The following CSRP1 variants were observed in gnomAD, a reference collection of about 807,000 sequenced individuals.
CSRP1 encodes cysteine and glycine rich protein 1.
A neutral mutation model predicts 25.4 loss-of-function variants in CSRP1; 16 were observed. The ratio of observed to expected loss-of-function variants is 0.63; its 90% CI spans 0.43 to 0.96. The LOEUF (loss-of-function observed/expected upper bound fraction) is 0.96, where lower values mean the gene tolerates loss of function less well. CSRP1 is among the 40% of genes least tolerant of loss of function. CSRP1 has a pLI of 0.00. For missense variants in CSRP1, 212 were observed against 243.6 expected, an observed-to-expected ratio of 0.87 and a Z score of 0.86; for synonymous variants, 97 against 95.3, an observed-to-expected ratio of 1.02 and a Z score of -0.10.
rs71564149 is a variant in CSRP1 at position 201,497,358 on chromosome 1, C to CAAAAA, written c.-1-1059_-1-1055dup. On this transcript the variant is annotated intron_variant, in intron 1 of 5. Coordinates refer to ENST00000340006, the MANE Select transcript of CSRP1 (RefSeq NM_004078.3). ...TGGGCAACAGAACAAGACTCTGTCT[C>CAAAAA]AAAAAAAAAAAAAAAAAAAAAAAAA... Among the ~76,000 whole-genome samples, 139 of 44,502 alleles carry CAAAAA rather than the reference C, an allele frequency of 3.1e-3. 9 individuals carry two copies. The highest frequency in any genetic ancestry group is 4.0e-3 in the Non-Finnish European group (101 of 24,972). The allele number at this position is 44,502 out of a possible 152,430, so 29.2% of individuals were successfully genotyped here.
intron 2 of CSRP1, among the ~76,000 whole-genome samples, chr1:201,494,800 T>C (rs373788805): frequency 5.9e-5 from 9 of 152,090 alleles, no homozygotes; most frequent in African/African-American, 2.2e-4. Context: ...TATCACACCA[T>C]CTTGCTACAG....
At chr1:201,494,837 T>TGC (rs1664457312) in intron 2 of CSRP1, among the ~76,000 whole-genome samples, 5 of 151,674 alleles carry the variant, frequency 3.3e-5, no homozygotes, top group Admixed American at 6.6e-5. Context: ...CGTGTGTGTG[T>TGC]GTGCGTGTGC....
intron 1 of CSRP1, among the ~76,000 whole-genome samples, chr1:201,503,553 G>A (rs112961548): frequency 1.7e-4 from 26 of 152,214 alleles, no homozygotes; most frequent in African/African-American, 5.8e-4. Context: ...TGTTGTCACC[G>A]CTGAAGACTC....
At chr1:201,497,035 G>GTTTTT (rs1173925216) in intron 1 of CSRP1, among the ~76,000 whole-genome samples, 1 of 151,958 alleles carries the variant, frequency 6.6e-6, no homozygotes, top group African/African-American at 2.4e-5. Flanking sequence ...CAAGAAAAAA[G>GTTTTT]TTTTTTTTGT....
chr1:201,483,938 A>G lies in CSRP1; in HGVS notation c.*775T>C. ...AGGAGCCAGGGTTAAGGCCAGAGAT[A>G]AATGAAGATTTGAGCCATTGATAAA... is the stretch of plus-strand genomic sequence containing the variant. On this transcript the variant is annotated 3_prime_UTR_variant, in exon 6 of 6. Transcript: ENST00000340006. The G allele has an allele frequency of 1.5e-6, 1 of 674,572 alleles. No individual in the cohort carries two copies. Among genetic ancestry groups the G allele is most frequent in the Non-Finnish European group, 2.8e-6 (1 of 362,414 alleles). The allele number at this position is 674,572 out of a possible 1,614,324, so 41.8% of individuals were successfully genotyped here.
At chr1:201,498,858 A>C (rs1173542736) in intron 1 of CSRP1, among the ~76,000 whole-genome samples, 1 of 152,188 alleles carries the variant, frequency 6.6e-6, no homozygotes, top group Non-Finnish European at 1.5e-5. Context: ...TGAGAGGCAG[A>C]GCTTACTGTG....
chr1:201,485,299 G>A lies in CSRP1; in HGVS notation c.489C>T (p.Gly163=), dbSNP rs202219604. 1.3e-4 allele frequency: 208 copies of A among 1,613,974 alleles called. No homozygotes were observed. Among genetic ancestry groups the A allele is most frequent in the Non-Finnish European group, 1.5e-4 (181 of 1,179,990 alleles). ...LESTTLADKD[G]EIYCKGCYAK... ...AACACCCACCTTTGCAGTAAATCTC[G>A]CCATCCTTGTCTGCCAGGGTGGTTG... Residue 163 remains glycine (G), a synonymous_variant, in exon 5 of 6, where the codon GGC becomes GGT. Coordinates refer to ENST00000340006, the MANE Select transcript of CSRP1 (RefSeq NM_004078.3).
At chr1:201,494,557 G>A (rs887393220) in intron 2 of CSRP1, among the ~76,000 whole-genome samples, 2 of 152,228 alleles carry the variant, frequency 1.3e-5, no homozygotes, top group East Asian at 1.9e-4. Flanking sequence ...CTCCAGGCCC[G>A]GCTGAGCAGG....
intron 1 of CSRP1, among the ~76,000 whole-genome samples, chr1:201,503,758 C>T (rs3767532): frequency 0.25 from 38,775 of 152,106 alleles, 6,209 homozygotes; most frequent in Middle Eastern, 0.38. Flanking sequence ...CAGTCGGAAC[C>T]CAGGACCCCT....
chr1:201,487,084 C>A, intron 4 of CSRP1: 1 of 826,974 alleles, frequency 1.2e-6, no homozygotes, highest in Non-Finnish European at 1.8e-6. Context: ...CACTACATTG[C>A]ACATTATACA....
chr1:201,504,825 G>A (rs1460747392), intron 1 of CSRP1, among the ~76,000 whole-genome samples: 7 of 151,608 alleles, frequency 4.6e-5, no homozygotes, highest in Admixed American at 1.3e-4. Flanking sequence ...CAGGCCGGGC[G>A]CAGTGGCTCA....
chr1:201,498,230 C>A (rs529972010), intron 1 of CSRP1, among the ~76,000 whole-genome samples: 1 of 152,190 alleles, frequency 6.6e-6, no homozygotes, highest in East Asian at 1.9e-4. Flanking sequence ...TTCCATTTCA[C>A]TCGCTCACTC....
At chr1:201,484,857 G>T in intron 5 of CSRP1, 68 bp from the exon 6 acceptor site, 2 of 1,399,908 alleles carry the variant, frequency 1.4e-6, no homozygotes, top group East Asian at 2.3e-5. Flanking sequence ...CCACCCTCCT[G>T]CTGAAGATCC....
At chr1:201,485,463 G>C in intron 4 of CSRP1, 87 bp from the exon 5 acceptor site, 1 of 1,204,338 alleles carries the variant, frequency 8.3e-7, no homozygotes, top group Admixed American at 1.9e-5. Context: ...CATAACCATG[G>C]TATAAGGGCT....
Position 201,483,664 on chromosome 1 carries a change from C to T in CSRP1, c.*1049G>A. On this transcript the variant is annotated 3_prime_UTR_variant, in exon 6 of 6. Transcript: ENST00000340006. ...GGGAGCGGTGAGGCCCAGCCCTTTC[C>T]CCTTCCTCCCACCACTATTCCTAAC... The T allele has an allele frequency of 3.9e-6, 1 of 258,630 alleles. No individual in the cohort carries two copies. The highest frequency in any genetic ancestry group is 6.6e-5 in the East Asian group (1 of 15,178). The allele number at this position is 258,630 out of a possible 1,614,324, so 16.0% of individuals were successfully genotyped here.
At chr1:201,490,439 C>T in intron 2 of CSRP1, 95 bp from the exon 3 acceptor site, 1 of 1,269,046 alleles carries the variant, frequency 7.9e-7, no homozygotes, top group East Asian at 2.3e-5. Flanking sequence ...TCTCTGGCCT[C>T]TTTGCATACA....
At chr1:201,498,867 T>C (rs74136631) in intron 1 of CSRP1, among the ~76,000 whole-genome samples, 4,075 of 152,276 alleles carry the variant, frequency 0.027, 188 homozygotes, top group African/African-American at 0.093. Flanking sequence ...GAGCTTACTG[T>C]GGGGAAGTGG....
chr1:201,492,727 C>T (rs1664377381), intron 2 of CSRP1: 1 of 152,284 alleles, frequency 6.6e-6, no homozygotes, highest in Non-Finnish European at 1.5e-5. Context: ...GCCCACAAAA[C>T]AGTTCCAGAT....
chr1:201,485,432 C>A (rs2102402273), intron 4 of CSRP1, 56 bp from the exon 5 acceptor site: 1 of 1,493,762 alleles, frequency 6.7e-7, no homozygotes, highest in East Asian at 2.3e-5. Flanking sequence ...GTACCCTCCA[C>A]CCCAGGCCCA....
Sources: gnomAD v4.1 joint callset for allele counts (sites outside exome capture counted in the v4.1 genomes callset) on GRCh38, gnomAD v4.1.1 for gene constraint, MANE v1.5 for transcripts, NCBI Gene and HGNC (gene_info 2026-07-23, HGNC 2026-07-21) for gene names.